The following CNTNAP5 variants were observed in gnomAD, a reference collection of about 807,000 sequenced individuals.
CNTNAP5 encodes contactin-associated protein-like 5.
Under a neutral mutation model 150.2 loss-of-function variants are expected in CNTNAP5, and 72 were observed. That is an observed-to-expected ratio of 0.48 (90% CI 0.40 to 0.58). The LOEUF is 0.58. Ranked by LOEUF, CNTNAP5 falls within the 20% of genes least tolerant of loss-of-function variation. CNTNAP5 has a pLI of 0.00. For synonymous variants in CNTNAP5, 672 were observed against 619.8 expected (o/e 1.08, Z -1.25); for missense variants, 1,636 against 1,626.2 (o/e 1.01, Z -0.10).
intron 4 of CNTNAP5, among the ~76,000 whole-genome samples, chr2:124,429,652 C>T (rs901929495): frequency 2.6e-5 from 4 of 152,052 alleles, no homozygotes; most frequent in Admixed American, 6.6e-5. Flanking sequence ...TGGTGGTGGT[C>T]GGAGGAAAGC....
At chr2:124,909,422 T>C (rs1490844604) in intron 22 of CNTNAP5, among the ~76,000 whole-genome samples, 3 of 152,156 alleles carry the variant, frequency 2.0e-5, no homozygotes, top group Admixed American at 2.0e-4. Flanking sequence ...GCACACTCTA[T>C]GATTTCCACA....
At chr2:124,200,579 T>C (rs1685704942) in intron 1 of CNTNAP5, among the ~76,000 whole-genome samples, 2 of 152,224 alleles carry the variant, frequency 1.3e-5, no homozygotes, top group African/African-American at 4.8e-5. Context: ...AATTTTTAAA[T>C]GCACAATACA....
chr2:124,593,454 A>C (rs1426433025), intron 11 of CNTNAP5, among the ~76,000 whole-genome samples: 6 of 97,400 alleles, frequency 6.2e-5, no homozygotes, highest in African/African-American at 2.4e-4. Flanking sequence ...GTCCCTACAA[A>C]GGACATGAAC....
intron 1 of CNTNAP5, among the ~76,000 whole-genome samples, chr2:124,216,718 C>CTCA: frequency 6.6e-6 from 1 of 152,276 alleles, no homozygotes; most frequent in Admixed American, 6.5e-5. Flanking sequence ...AGGACATGAA[C>CTCA]TCATCATTTT....
chr2:124,468,772 C>A (rs547769133), intron 6 of CNTNAP5, among the ~76,000 whole-genome samples: 1 of 152,162 alleles, frequency 6.6e-6, no homozygotes, highest in Non-Finnish European at 1.5e-5. Context: ...TAACTTCAGC[C>A]CATTTGTACC....
At chr2:124,245,249 GTTTTACAAA>G (rs971842636) in intron 3 of CNTNAP5, among the ~76,000 whole-genome samples, 2 of 152,118 alleles carry the variant, frequency 1.3e-5, no homozygotes, top group African/African-American at 4.8e-5. Context: ...CTTTCAGGGT[GTTTTACAAA>G]CACTTCACAG....
At chr2:124,037,280 G>C (rs1484695431) in intron 1 of CNTNAP5, among the ~76,000 whole-genome samples, 1 of 152,146 alleles carries the variant, frequency 6.6e-6, no homozygotes, top group African/African-American at 2.4e-5. Flanking sequence ...GACTCCTCCT[G>C]TCACTAAGTG....
chr2:124,345,704 A>G (rs577204358), intron 3 of CNTNAP5, among the ~76,000 whole-genome samples: 24 of 152,308 alleles, frequency 1.6e-4, no homozygotes, highest in African/African-American at 5.8e-4. Flanking sequence ...AATAGAGAAG[A>G]AGAGAAAATA....
At chr2:124,708,331 A>G (rs1197246983) in intron 13 of CNTNAP5, among the ~76,000 whole-genome samples, 1 of 152,178 alleles carries the variant, frequency 6.6e-6, no homozygotes, top group Non-Finnish European at 1.5e-5. Flanking sequence ...GAGCTGGAGC[A>G]GTGGAAGAGA....
At chr2:124,140,000 C>T (rs1057379692) in intron 1 of CNTNAP5, among the ~76,000 whole-genome samples, 8 of 152,134 alleles carry the variant, frequency 5.3e-5, no homozygotes, top group Non-Finnish European at 1.2e-4. Flanking sequence ...TCAGGGAGTT[C>T]CCTTTCCGAG....
intron 12 of CNTNAP5, among the ~76,000 whole-genome samples, chr2:124,642,843 T>G (rs138827415): frequency 4.6e-5 from 7 of 152,326 alleles, no homozygotes; most frequent in Non-Finnish European, 1.0e-4. Flanking sequence ...CTAAAAGATC[T>G]CATAGCTTTA....
chr2:124,523,694 A>G (rs1333821308), intron 8 of CNTNAP5, among the ~76,000 whole-genome samples: 3 of 152,182 alleles, frequency 2.0e-5, no homozygotes, highest in Non-Finnish European at 4.4e-5. Context: ...ATATTTACAG[A>G]TGATAAAATC....
Position 124,446,860 on chromosome 2 carries a change from G to T in CNTNAP5, c.841G>T (p.Val281Leu). The stretch of plus-strand genomic sequence containing the variant: ...CCTCATTGAGCGGGTGGGCAAGCAG[G>T]TGAACTTCACGGTGGACAAGCACAC... ...SVLIERVGKQ[V>L]NFTVDKHTQH... The change falls in exon 6 of 24, where the codon GTG (valine) becomes TTG (leucine). Residue 281 changes from valine to leucine, a missense_variant. Physicochemically the swap from Val to Leu is conservative, Grantham distance 32. Transcript: ENST00000682447. 6.2e-7 allele frequency: 1 copy of T among 1,613,944 alleles called. No homozygotes were observed.
At chr2:124,619,447 G>A (rs143177752) in intron 12 of CNTNAP5, among the ~76,000 whole-genome samples, 327 of 152,176 alleles carry the variant, frequency 2.1e-3, no homozygotes, top group African/African-American at 7.5e-3. Context: ...CAGAAGAATC[G>A]GCTTCTGAGG....
chr2:124,880,426 T>G (rs1313816474), intron 21 of CNTNAP5, among the ~76,000 whole-genome samples: 1 of 152,132 alleles, frequency 6.6e-6, no homozygotes, highest in Admixed American at 6.6e-5. Context: ...TAAAATCAAC[T>G]GCTGCCTACT....
At chr2:124,503,099 T>C (rs1694314622) in intron 7 of CNTNAP5, among the ~76,000 whole-genome samples, 1 of 152,194 alleles carries the variant, frequency 6.6e-6, no homozygotes, top group South Asian at 2.1e-4. Context: ...CTTTGACACA[T>C]TAATTAACTT....
intron 17 of CNTNAP5, chr2:124,778,464 C>G (rs1681374977): frequency 6.5e-6 from 1 of 152,808 alleles, no homozygotes; most frequent in Non-Finnish European, 1.5e-5. Flanking sequence ...CTACCTTTTC[C>G]ATGCACAGTG....
intron 11 of CNTNAP5, among the ~76,000 whole-genome samples, chr2:124,597,890 C>G (rs965840809): frequency 7.1e-6 from 1 of 140,528 alleles, no homozygotes; most frequent in Non-Finnish European, 1.5e-5. Flanking sequence ...TCATTTCATT[C>G]ATTTCATCTT....
At chr2:124,457,379 G>C (rs1187698527) in intron 6 of CNTNAP5, among the ~76,000 whole-genome samples, 2 of 152,232 alleles carry the variant, frequency 1.3e-5, no homozygotes, top group Non-Finnish European at 2.9e-5. Context: ...CAGAGTGGGA[G>C]AAAATCTTCA....
Sources: allele counts gnomAD v4.1 joint callset (sites outside exome capture counted in the v4.1 genomes callset), GRCh38; gene constraint gnomAD v4.1.1; transcripts MANE v1.5; gene names NCBI Gene and HGNC (gene_info 2026-07-23, HGNC 2026-07-21).